The following MGRN1 variants were observed in gnomAD, a reference collection of about 807,000 sequenced individuals.
The protein encoded by MGRN1 is mahogunin ring finger 1.
MGRN1 carries 29 observed loss-of-function variants against 69.2 expected under a neutral mutation model. The ratio of observed to expected loss-of-function variants is 0.42; its 90% CI spans 0.31 to 0.57. The LOEUF is 0.57. MGRN1 is among the 20% of genes least tolerant of loss of function. MGRN1 has a pLI of 0.15. For synonymous variants in MGRN1, 470 were observed against 344.2 expected (o/e 1.37, Z -4.04); for missense variants, 998 against 796.2 (o/e 1.25, Z -3.05).
At chr16:4,677,593 G>T (rs768494443) in intron 11 of MGRN1, 21 bp downstream of exon 11, 2 of 1,592,438 alleles carry the variant, frequency 1.3e-6, no homozygotes. Context: ...CCTCCTGCCT[G>T]CGGGATGGGC....
chr16:4,668,228 T>C (rs751584156), intron 7 of MGRN1, 37 bp from the exon 8 acceptor site: 3 of 1,607,328 alleles, frequency 1.9e-6, no homozygotes, highest in South Asian at 2.2e-5. Flanking sequence ...AGGCGCCAGC[T>C]TGACCACCTT....
chr16:4,686,272 C>T (rs2079316614), intron 16 of MGRN1: 3 of 1,544,892 alleles, frequency 1.9e-6, no homozygotes, highest in Non-Finnish European at 2.6e-6. Context: ...TGGGGCCCGA[C>T]TCCTGCTCTG....
intron 7 of MGRN1, 56 bp from the exon 8 acceptor site, chr16:4,668,209 G>A (rs900268235): frequency 1.5e-4 from 231 of 1,570,924 alleles, no homozygotes; most frequent in Non-Finnish European, 2.0e-4. Context: ...GCCACGCAGG[G>A]GTGCTCAGAG....
At chr16:4,638,176 TAAAG>T (rs1409220244) in intron 1 of MGRN1, among the ~76,000 whole-genome samples, 1 of 152,010 alleles carries the variant, frequency 6.6e-6, no homozygotes, top group Non-Finnish European at 1.5e-5. Context: ...AGTTTGCAGT[TAAAG>T]AAATCAAGGT....
At chr16:4,656,968 T>C (rs547236997) in intron 4 of MGRN1, among the ~76,000 whole-genome samples, 2 of 152,290 alleles carry the variant, frequency 1.3e-5, no homozygotes, top group African/African-American at 4.8e-5. Flanking sequence ...AAAGCACAGC[T>C]ACACTGGGGA....
intron 10 of MGRN1, among the ~76,000 whole-genome samples, chr16:4,674,711 G>C (rs1245958078): frequency 3.0e-5 from 4 of 134,778 alleles, no homozygotes; most frequent in Non-Finnish European, 6.1e-5. Flanking sequence ...CGCAATCTCG[G>C]CTCACTGCAA....
chr16:4,665,777 C>T (rs1305478495), intron 7 of MGRN1, among the ~76,000 whole-genome samples: 3 of 149,942 alleles, frequency 2.0e-5, no homozygotes, highest in African/African-American at 7.4e-5. Context: ...TCAAGCGATT[C>T]TCCTGCCTCA....
intron 1 of MGRN1, among the ~76,000 whole-genome samples, chr16:4,630,096 A>G (rs987584894): frequency 1.2e-4 from 17 of 147,644 alleles, no homozygotes; most frequent in Non-Finnish European, 2.2e-4. Flanking sequence ...TCGCGCCTGT[A>G]ATCCTAGCAC....
chr16:4,651,663 A>G (rs1048038473), intron 2 of MGRN1, among the ~76,000 whole-genome samples: 3 of 151,974 alleles, frequency 2.0e-5, no homozygotes, highest in Non-Finnish European at 4.4e-5. Context: ...CGGGGCAGTG[A>G]TGGATATGGG....
chr16:4,662,801 T>C (rs2078712520), intron 5 of MGRN1, among the ~76,000 whole-genome samples: 2 of 152,196 alleles, frequency 1.3e-5, no homozygotes, highest in Non-Finnish European at 2.9e-5. Context: ...AGACATCCTA[T>C]GTGTCTGTTG....
intron 1 of MGRN1, among the ~76,000 whole-genome samples, chr16:4,628,948 TGCCTC>T (rs907301284): frequency 1.3e-5 from 2 of 152,188 alleles, no homozygotes; most frequent in African/African-American, 4.8e-5. Flanking sequence ...GTGATTCTCC[TGCCTC>T]AGCCTCCCAA....
intron 1 of MGRN1, among the ~76,000 whole-genome samples, chr16:4,632,469 C>G (rs1031574208): frequency 2.0e-5 from 3 of 151,988 alleles, no homozygotes; most frequent in African/African-American, 7.3e-5. Context: ...TCTCTGCTCA[C>G]TGCAAGCTCT....
At chr16:4,642,910 C>T (rs2078193897) in intron 1 of MGRN1, among the ~76,000 whole-genome samples, 1 of 151,992 alleles carries the variant, frequency 6.6e-6, no homozygotes, top group Non-Finnish European at 1.5e-5. Flanking sequence ...CCTCAGCCTC[C>T]CGAGTACCTT....
chr16:4,674,390 G>C (rs1187153750), intron 10 of MGRN1, among the ~76,000 whole-genome samples: 1 of 151,896 alleles, frequency 6.6e-6, no homozygotes, highest in East Asian at 1.9e-4. Flanking sequence ...CCGGGTTTAA[G>C]TGATTCTCCT....
chr16:4,644,586 A>G (rs1025662633), intron 1 of MGRN1, among the ~76,000 whole-genome samples: 17 of 152,222 alleles, frequency 1.1e-4, no homozygotes. Context: ...CTGGAATTAC[A>G]GGTGTGAGCC....
intron 16 of MGRN1, among the ~76,000 whole-genome samples, chr16:4,684,180 C>T (rs1452010878): frequency 6.6e-6 from 1 of 152,262 alleles, no homozygotes; most frequent in Non-Finnish European, 1.5e-5. Flanking sequence ...CCCCTTCCCT[C>T]CCTGGGGCCA....
chr16:4,679,972 G>C (rs1486720343), intron 11 of MGRN1, 60 bp from the exon 12 acceptor site: 3 of 1,514,242 alleles, frequency 2.0e-6, no homozygotes, highest in Non-Finnish European at 2.7e-6. Context: ...GACCTGTCCA[G>C]CCCACTCCAG....
intron 16 of MGRN1, among the ~76,000 whole-genome samples, 154 bp downstream of exon 16, chr16:4,684,086 G>A (rs1372506260): frequency 6.6e-6 from 1 of 152,264 alleles, no homozygotes; most frequent in Admixed American, 6.5e-5. Flanking sequence ...GCTATTGACC[G>A]TGAAGCAGGA....
intron 2 of MGRN1, chr16:4,651,134 C>G (rs2078397910): frequency 6.6e-6 from 1 of 151,916 alleles, no homozygotes; most frequent in Non-Finnish European, 1.5e-5. Context: ...AGAATATTTA[C>G]TTTCCCTAGA....
Sources: allele counts gnomAD v4.1 joint callset (sites outside exome capture counted in the v4.1 genomes callset), GRCh38; gene constraint gnomAD v4.1.1; transcripts MANE v1.5; gene names NCBI Gene and HGNC (gene_info 2026-07-23, HGNC 2026-07-21).